RAB2B: variants seen among roughly 807,000 people sequenced by gnomAD.
RAB2B encodes ras-related protein Rab-2B.
Under a neutral mutation model 29.8 loss-of-function variants are expected in RAB2B, and 20 were observed. The observed-to-expected ratio is 0.67, with a 90% CI of 0.47 to 0.97. RAB2B has a LOEUF of 0.97. Among genes scored for constraint, RAB2B ranks in the 50% least tolerant of loss-of-function variants. The probability of loss-of-function intolerance (pLI) is 0.00; values close to 1 mark genes in which losing one functional copy is unlikely to be tolerated. For synonymous variants in RAB2B, 93 were observed against 91.7 expected (o/e 1.01, Z -0.08); for missense variants, 218 against 272.0 (o/e 0.80, Z 1.40).
At chr14:21,476,635 C>T in intron 1 of RAB2B, 36 bp from the exon 2 acceptor site, 1 of 1,613,634 alleles carries the variant, frequency 6.2e-7, no homozygotes. Context: ...ATCACGCAGC[C>T]CTGGAACACC....
In RAB2B at chr14:21,476,868, G is replaced by A. The variant is rs765728809; in HGVS notation, c.5C>T (p.Thr2Ile). ...GATATACTTGAAGAGATAAGCATAA[G>A]TCATGGTGTCGCGTCCTCTGGGTTC... Reference protein sequence around the residue: MTYAYLFKYIII... With the variant: MIYAYLFKYIII... Residue 2 changes from threonine (T) to isoleucine (I), a missense_variant, in exon 1 of 8, where the codon ACT (threonine) becomes ATT (isoleucine). Physicochemically the swap from Thr to Ile is moderately conservative, Grantham distance 89. Coordinates refer to ENST00000397762, the MANE Select transcript of RAB2B (RefSeq NM_032846.4). 2 of 1,613,440 alleles carry A rather than the reference G, an allele frequency of 1.2e-6. No homozygotes were observed. Among genetic ancestry groups the A allele is most frequent in the South Asian group, 2.2e-5 (2 of 91,074 alleles).
rs1341988027 is a variant in RAB2B at position 21,459,173 on chromosome 14, A to G, written c.*2023T>C. 1.3e-5 allele frequency: 2 copies of G among 152,398 alleles called. No homozygotes were observed. The highest frequency in any genetic ancestry group is 2.9e-5 in the Non-Finnish European group (2 of 68,064). The allele number at this position is 152,398 out of a possible 1,614,324, so 9.4% of individuals were successfully genotyped here. On this transcript the variant is annotated 3_prime_UTR_variant, in exon 8 of 8. Transcript: ENST00000397762. ...AACCAACCCAGAAGGCTGCATGATG[A>G]GTGAAGCAAAGGCAAGTTTGGCTAA...
At chr14:21,474,481 C>T (rs949102583) in intron 3 of RAB2B, 35 of 194,116 alleles carry the variant, frequency 1.8e-4, no homozygotes, top group Non-Finnish European at 3.1e-4. Flanking sequence ...TATGTGTTTA[C>T]ATGTATGTAT....
At chr14:21,465,896 C>T (rs1182036385) in intron 5 of RAB2B, among the ~76,000 whole-genome samples, 2 of 150,252 alleles carry the variant, frequency 1.3e-5, no homozygotes, top group South Asian at 2.1e-4. Flanking sequence ...ATAGTTTGTT[C>T]CCCCCAAGTA....
rs1051470483 is a variant in RAB2B, at chr14:21,471,020, A to T, written c.187-2268T>A. Among the ~76,000 whole-genome samples, 32 of 52,868 alleles carry T rather than the reference A, an allele frequency of 6.1e-4. 1 individual carries two copies. Among genetic ancestry groups the T allele is most frequent in the Admixed American group, 2.3e-3 (12 of 5,326 alleles). 34.7% of individuals were successfully genotyped at this position (52,868 alleles called of 152,430 possible). On this transcript the variant is annotated intron_variant, in intron 3 of 7. Transcript: ENST00000397762. ...AAAAAAAAAAAAAAAAAAAAAAAAAAAAAATAGGTGGGCGTGGTGGCGCAC... is the reference window on the plus strand; with the variant it reads ...AAAAAAAAAAAAAAAAAAAAAAAAATAAAATAGGTGGGCGTGGTGGCGCAC...
intron 7 of RAB2B, 129 bp downstream of exon 7, chr14:21,462,221 G>T: frequency 5.1e-5 from 27 of 531,376 alleles, no homozygotes; most frequent in Middle Eastern, 3.1e-4. Flanking sequence ...AAAAAAAAAA[G>T]TGTTGAATTG....
At chr14:21,476,669 C>G (rs1248989722) in intron 1 of RAB2B, 70 bp from the exon 2 acceptor site, 4 of 1,613,080 alleles carry the variant, frequency 2.5e-6, no homozygotes, top group Non-Finnish European at 3.4e-6. Context: ...ACTTCCCGGA[C>G]CAGAGAAGGG....
Position 21,460,905 on chromosome 14 carries a change from GC to G in RAB2B, c.*290del. 1 of 190,956 alleles carries G rather than the reference GC, an allele frequency of 5.2e-6. No homozygotes were observed. Among genetic ancestry groups the G allele is most frequent in the Non-Finnish European group, 1.1e-5 (1 of 92,770 alleles). The allele number at this position is 190,956 out of a possible 1,614,324, so 11.8% of individuals were successfully genotyped here. A position where few individuals can be genotyped will look rare whatever the true frequency, so the allele number is the denominator to read the frequency against. On this transcript the variant is annotated 3_prime_UTR_variant, in exon 8 of 8. Coordinates refer to ENST00000397762, the MANE Select transcript of RAB2B (RefSeq NM_032846.4). ...TAGGATTACAGGCATGAGCCATGGC[GC>G]CCCGCCATGAAATTATTTTTTAACT...
intron 5 of RAB2B, among the ~76,000 whole-genome samples, chr14:21,468,044 G>A (rs1219571137): frequency 6.6e-6 from 1 of 152,082 alleles, no homozygotes; most frequent in Non-Finnish European, 1.5e-5. Flanking sequence ...CAGGGGCTGA[G>A]GGATGAGGGG....
intron 3 of RAB2B, among the ~76,000 whole-genome samples, chr14:21,473,835 A>C (rs1382764195): frequency 1.3e-5 from 2 of 151,140 alleles, no homozygotes; most frequent in Non-Finnish European, 2.9e-5. Flanking sequence ...ACACGGTGAA[A>C]CCCCCTCTCT....
At chr14:21,469,699 C>T (rs550235092) in intron 3 of RAB2B, among the ~76,000 whole-genome samples, 2 of 152,060 alleles carry the variant, frequency 1.3e-5, no homozygotes, top group Admixed American at 6.5e-5. Flanking sequence ...CCTTACATCC[C>T]TACATAACAG....
chr14:21,462,373 C>T lies in RAB2B; in HGVS notation c.520G>A (p.Gly174Ser), dbSNP rs1890578302. Residue 174 changes from glycine to serine, a missense_variant, in exon 7 of 8, where the codon GGT (glycine) becomes AGT (serine). Transcript: ENST00000397762. Reference sequence around the variant, plus strand: ...ACCTCATTGTGGACATCAAATAAACCCTGCTGGATCTTCCTATATATTTCT... The same window carrying T: ...ACCTCATTGTGGACATCAAATAAACTCTGCTGGATCTTCCTATATATTTCT... ...AKEIYRKIQQ[G>S]LFDVHNEANG... is the part of the protein sequence containing the mutation. 1.9e-6 allele frequency: 3 copies of T among 1,613,244 alleles called. No homozygotes were observed. Among genetic ancestry groups the T allele is most frequent in the Non-Finnish European group, 2.5e-6 (3 of 1,179,718 alleles).
chr14:21,470,097 C>T (rs570694434), intron 3 of RAB2B, among the ~76,000 whole-genome samples: 4 of 151,980 alleles, frequency 2.6e-5, no homozygotes, highest in South Asian at 4.2e-4. Flanking sequence ...GGATTACAGG[C>T]GCCCACCACC....
chr14:21,467,291 C>T (rs544583867), intron 5 of RAB2B, among the ~76,000 whole-genome samples: 1 of 152,168 alleles, frequency 6.6e-6, no homozygotes, highest in Admixed American at 6.5e-5. Flanking sequence ...ATTGCAGCCT[C>T]GACCTCACAG....
At chr14:21,466,401 C>T (rs186471691) in intron 5 of RAB2B, among the ~76,000 whole-genome samples, 3 of 152,306 alleles carry the variant, frequency 2.0e-5, no homozygotes, top group African/African-American at 7.2e-5. Context: ...GCAGGAGAAT[C>T]GCTTGAACCC....
intron 5 of RAB2B, 96 bp from the exon 6 acceptor site, chr14:21,463,863 C>T (rs534645037): frequency 2.8e-6 from 2 of 725,172 alleles, no homozygotes; most frequent in Admixed American, 5.2e-5. Flanking sequence ...TTTCAACTGC[C>T]AGTTATTTCA....
At chr14:21,471,820 C>A (rs919862828) in intron 3 of RAB2B, among the ~76,000 whole-genome samples, 1 of 151,832 alleles carries the variant, frequency 6.6e-6, no homozygotes, top group Non-Finnish European at 1.5e-5. Context: ...GCATTACAGG[C>A]GCCCGCCACC....
rs758008222 is a variant in RAB2B at position 21,476,595 on chromosome 14, C to T, written c.51G>A (p.Val17=). ...ACTGCAGGAGGAGACATGACTTCCC[C>T]ACACCTGAAAGAGAAAGCACACTCC... ...FKYIIIGDTG[V]GKSCLLLQFT... Residue 17 remains valine, a synonymous_variant, in exon 2 of 8, where the codon GTG becomes GTA. Coordinates refer to ENST00000397762, the MANE Select transcript of RAB2B (RefSeq NM_032846.4). 21 of 1,613,570 alleles carry T rather than the reference C, an allele frequency of 1.3e-5. No homozygotes were observed. In the African/African-American group the frequency reaches 1.3e-4, roughly 10 times the overall value.
intron 7 of RAB2B, 70 bp from the exon 8 acceptor site, chr14:21,461,373 T>G: frequency 1.1e-6 from 1 of 944,618 alleles, no homozygotes; most frequent in Non-Finnish European, 1.6e-6. Context: ...GGGGGCTATC[T>G]CTGCTTGTAT....
Sources: allele counts gnomAD v4.1 joint callset (sites outside exome capture counted in the v4.1 genomes callset), GRCh38; gene constraint gnomAD v4.1.1; transcripts MANE v1.5; gene names NCBI Gene and HGNC (gene_info 2026-07-23, HGNC 2026-07-21).